The following DGKB variants were observed in gnomAD, a reference collection of about 807,000 sequenced individuals.
DGKB encodes 90 kDa diacylglycerol kinase.
DGKB carries 67 observed loss-of-function variants against 114.3 expected under a neutral mutation model. The ratio of observed to expected loss-of-function variants is 0.59; its 90% CI spans 0.48 to 0.72. DGKB has a LOEUF of 0.72. DGKB is among the 30% of genes least tolerant of loss of function. The pLI is 0.00. For missense variants in DGKB, 907 were observed against 975.2 expected, an observed-to-expected ratio of 0.93 and a Z score of 0.93; for synonymous variants, 398 against 323.1, an observed-to-expected ratio of 1.23 and a Z score of -2.49.
chr7:14,903,632 C>A (rs908441949), upstream of DGKB, among the ~76,000 whole-genome samples: 1 of 152,124 alleles, frequency 6.6e-6, no homozygotes, highest in Admixed American at 6.5e-5. Flanking sequence ...TGCATTCCGG[C>A]TTGGTAACCT....
At chr7:14,344,412 T>C (rs1243620217) in intron 22 of DGKB, among the ~76,000 whole-genome samples, 1 of 151,768 alleles carries the variant, frequency 6.6e-6, no homozygotes, top group East Asian at 1.9e-4. Flanking sequence ...CATTGTGTGG[T>C]CCATAACTAC....
At chr7:14,889,450 T>C (rs1269865633) in intron 1 of DGKB, among the ~76,000 whole-genome samples, 2 of 151,604 alleles carry the variant, frequency 1.3e-5, no homozygotes, top group Non-Finnish European at 3.0e-5. Flanking sequence ...AGTGCTTTCT[T>C]AGACCATCTA....
intron 1 of DGKB, among the ~76,000 whole-genome samples, chr7:14,931,842 G>A (rs1299719698): frequency 6.6e-6 from 1 of 152,028 alleles, no homozygotes; most frequent in Non-Finnish European, 1.5e-5. Context: ...CAGGGAGCGG[G>A]GTGGGTCGGG....
At chr7:14,612,758 A>G (rs1252360718) in intron 16 of DGKB, among the ~76,000 whole-genome samples, 2 of 152,124 alleles carry the variant, frequency 1.3e-5, no homozygotes, top group African/African-American at 4.8e-5. Context: ...TTACTCTTCA[A>G]TGTAGTGATT....
intron 23 of DGKB, among the ~76,000 whole-genome samples, chr7:14,230,112 G>C (rs1791483200): frequency 6.6e-6 from 1 of 151,804 alleles, no homozygotes; most frequent in Admixed American, 6.6e-5. Context: ...TACTAAACCT[G>C]AACTTAACAT....
intron 9 of DGKB, among the ~76,000 whole-genome samples, chr7:14,687,423 C>T (rs979837981): frequency 6.6e-6 from 1 of 152,086 alleles, no homozygotes; most frequent in Non-Finnish European, 1.5e-5. Flanking sequence ...CTTTCAAAAC[C>T]TAAGAAATAG....
At chr7:14,532,607 T>C (rs972297370) in intron 20 of DGKB, among the ~76,000 whole-genome samples, 1 of 151,528 alleles carries the variant, frequency 6.6e-6, no homozygotes, top group Non-Finnish European at 1.5e-5. Flanking sequence ...TAAATGTATA[T>C]ACATATAGCA....
chr7:14,176,424 GA>G, intron 25 of DGKB: 2 of 986,422 alleles, frequency 2.0e-6, no homozygotes, highest in Non-Finnish European at 2.4e-6. Context: ...TCCCCAAATG[GA>G]GGCATAGAAA....
intron 2 of DGKB, among the ~76,000 whole-genome samples, chr7:14,771,757 A>T (rs886468041): frequency 6.6e-6 from 1 of 152,082 alleles, no homozygotes; most frequent in Non-Finnish European, 1.5e-5. Context: ...CTCTTTTGGG[A>T]AAAATCCACA....
In DGKB at chr7:14,838,435, A is replaced by T. The variant is rs180807515; in HGVS notation, c.70+2759T>A. ...TATTTTAATAAACAAGCCAAATTCA[A>T]CATAACCTAAGCCAAACTCAATGCT... On this transcript the variant is annotated intron_variant, in intron 2 of 25. Coordinates refer to ENST00000402815, the MANE Select transcript of DGKB (RefSeq NM_001350709.2). Among the ~76,000 whole-genome samples, 22 of 152,326 alleles carry T rather than the reference A, an allele frequency of 1.4e-4. No homozygotes were observed. In the East Asian group the frequency reaches 4.2e-3, roughly 29 times the overall value.
At chr7:14,301,719 AG>A (rs1468385482) in intron 23 of DGKB, among the ~76,000 whole-genome samples, 2 of 152,114 alleles carry the variant, frequency 1.3e-5, no homozygotes, top group Non-Finnish European at 2.9e-5. Context: ...ACACATTTGA[AG>A]GCTTAGAAGA....
chr7:14,613,272 A>T, intron 16 of DGKB, 68 bp downstream of exon 16: 2 of 892,612 alleles, frequency 2.2e-6, no homozygotes, highest in Non-Finnish European at 1.7e-6. Flanking sequence ...AAGCATTTTT[A>T]CATCATAGTT....
At chr7:14,174,083 G>A (rs1432642557) in intron 25 of DGKB, among the ~76,000 whole-genome samples, 1 of 152,108 alleles carries the variant, frequency 6.6e-6, no homozygotes, top group Non-Finnish European at 1.5e-5. Flanking sequence ...AGCTGGAGAA[G>A]CTTGAAAGGT....
At chr7:14,456,803 A>G (rs1832349471) in intron 21 of DGKB, among the ~76,000 whole-genome samples, 1 of 152,096 alleles carries the variant, frequency 6.6e-6, no homozygotes, top group South Asian at 2.1e-4. Context: ...CTAACCTGAA[A>G]ACCTAATTAT....
At chr7:14,709,814 G>T (rs1332159490) in intron 6 of DGKB, among the ~76,000 whole-genome samples, 4 of 126,876 alleles carry the variant, frequency 3.2e-5, no homozygotes, top group Non-Finnish European at 6.5e-5. Flanking sequence ...TGGGGACTGT[G>T]GTGGGGTGGG....
At chr7:14,551,835 T>C (rs779279145) in intron 20 of DGKB, among the ~76,000 whole-genome samples, 1 of 152,162 alleles carries the variant, frequency 6.6e-6, no homozygotes, top group Non-Finnish European at 1.5e-5. Flanking sequence ...TAACATTTAT[T>C]ATGGTTGAAA....
intron 21 of DGKB, among the ~76,000 whole-genome samples, chr7:14,390,080 G>A (rs567794110): frequency 1.3e-5 from 2 of 152,284 alleles, no homozygotes; most frequent in African/African-American, 2.4e-5. Flanking sequence ...ATTTGAGTAT[G>A]AGGAGGCATA....
chr7:14,633,491 CAGT>C (rs1810140990), intron 13 of DGKB, among the ~76,000 whole-genome samples: 1 of 151,838 alleles, frequency 6.6e-6, no homozygotes, highest in Non-Finnish European at 1.5e-5. Context: ...ACATGCCCAT[CAGT>C]AGTTTATTCC....
chr7:14,689,365 C>T (rs899880707), intron 9 of DGKB, among the ~76,000 whole-genome samples: 14 of 151,542 alleles, frequency 9.2e-5, no homozygotes, highest in African/African-American at 2.7e-4. Flanking sequence ...TTAGTAGAGA[C>T]GGGGTTTCAC....
Sources: allele counts gnomAD v4.1 joint callset (sites outside exome capture counted in the v4.1 genomes callset), GRCh38; gene constraint gnomAD v4.1.1; transcripts MANE v1.5; gene names NCBI Gene and HGNC (gene_info 2026-07-23, HGNC 2026-07-21).